INF2: variants seen among roughly 807,000 people sequenced by gnomAD.
INF2 encodes inverted formin 2, also known as inverted formin-2.
A neutral mutation model predicts 123.5 loss-of-function variants in INF2; 43 were observed. That is an observed-to-expected ratio of 0.35 (90% CI 0.27 to 0.45). The LOEUF (loss-of-function observed/expected upper bound fraction) is 0.45. INF2 is among the 20% of genes least tolerant of loss of function. The pLI, the probability that INF2 is intolerant of heterozygous loss-of-function variation, is 1.00. For synonymous variants in INF2, 851 were observed against 745.0 expected, an observed-to-expected ratio of 1.14 and a Z score of -2.32; for missense variants, 1,453 against 1,682.7, an observed-to-expected ratio of 0.86 and a Z score of 2.39.
In INF2 at chr14:104,703,088, C is replaced by T. The variant is rs117462673; in HGVS notation, c.392-17C>T. On this transcript the variant is annotated splice_polypyrimidine_tract_variant and intron_variant, in intron 2 of 22. Transcript: ENST00000392634. ...GGTGCATTGGCCCTGCTGAGCCTGCCCACTCCACCCTGGCAGCCCTGGACA... is the reference window on the plus strand; with the variant it reads ...GGTGCATTGGCCCTGCTGAGCCTGCTCACTCCACCCTGGCAGCCCTGGACA... 6.2e-7 allele frequency: 1 copy of T among 1,601,984 alleles called. No homozygotes were observed. The highest frequency in any genetic ancestry group is 8.5e-7 in the Non-Finnish European group (1 of 1,170,146).
chr14:104,710,023 AGT>A, intron 12 of INF2, 63 bp from the exon 13 acceptor site: 3 of 1,334,442 alleles, frequency 2.2e-6, no homozygotes, highest in Non-Finnish European at 3.1e-6. Flanking sequence ...CCCTGTGCTG[AGT>A]GCCCCTCTGG....
At chr14:104,682,623 T>C (rs540509493) in intron 1 of INF2, among the ~76,000 whole-genome samples, 8 of 152,256 alleles carry the variant, frequency 5.3e-5, no homozygotes, top group Admixed American at 4.6e-4. Flanking sequence ...AATCCAGCCA[T>C]AACCTGGCTG....
At chr14:104,704,181 G>C in intron 5 of INF2, 1 of 1,437,170 alleles carries the variant, frequency 7.0e-7, no homozygotes, top group Non-Finnish European at 9.1e-7. Flanking sequence ...GCCATAGAAA[G>C]GACAGAATGA....
rs145596224 is a variant in INF2 at position 104,706,209 on chromosome 14, C to T, written c.843+33C>T. The stretch of plus-strand genomic sequence containing the variant: ...GGGGGCTGCAGGGCGGAGGGCAGCC[C>T]TCCAGGGCAGGCTGTGGCCCTGAGG... On this transcript the variant is annotated intron_variant, in intron 6 of 22. Transcript: ENST00000392634. 23,086 of 1,537,132 alleles carry T rather than the reference C, an allele frequency of 0.015. 276 individuals are homozygous for T. Among genetic ancestry groups the T allele is most frequent in the South Asian group, 0.039 (3,227 of 83,218 alleles).
In INF2 at chr14:104,707,767, G is replaced by GCCCCCCCCC; in HGVS notation, c.1505_1506insCCCCCCCCC (p.Pro503_Pro505dup). ...CACCACTCCCGGGCTTGGGATGCCC[G>GCCCCCCCCC]CCCCCACCCCCACCCCTGCTGCCTG... On this transcript the variant is annotated inframe_insertion, in exon 8 of 23. Transcript: ENST00000392634. 1 of 615,042 alleles carries GCCCCCCCCC rather than the reference G, an allele frequency of 1.6e-6. No homozygotes were observed. Among genetic ancestry groups the GCCCCCCCCC allele is most frequent in the South Asian group, 1.9e-5 (1 of 51,942 alleles). 38.1% of individuals were successfully genotyped at this position (615,042 alleles called of 1,614,324 possible).
chr14:104,700,991 TCCCGCTCCCCCGAGTCCTCCCCAAGCTCA>T, intron 1 of INF2: 1 of 461,212 alleles, frequency 2.2e-6, no homozygotes, highest in South Asian at 9.1e-5. Context: ...CAGGGGAGCC[TCCCGCTCCCCCGAGTCCTCCCCAAGCTCA>T]TCCGGTCCCG....
In INF2 at chr14:104,703,463, C is replaced by G; in HGVS notation, c.667+9C>G. On this transcript the variant is annotated intron_variant, in intron 4 of 22. Coordinates refer to ENST00000392634, the MANE Select transcript of INF2 (RefSeq NM_022489.4). ...GCGGAACGAGTTTATCGGTAAGCAC[C>G]TGCCCTGGGCCGCATGCCCGCTCCT... is the stretch of plus-strand genomic sequence containing the variant. 1 of 1,610,814 alleles carries G rather than the reference C, an allele frequency of 6.2e-7. No individual in the cohort carries two copies. The highest frequency in any genetic ancestry group is 8.5e-7 in the Non-Finnish European group (1 of 1,179,916).
upstream of INF2, among the ~76,000 whole-genome samples, chr14:104,687,745 C>T (rs1300162037): frequency 6.6e-6 from 1 of 152,116 alleles, no homozygotes; most frequent in Non-Finnish European, 1.5e-5. This position sits in a 1 kb window ranked among gnomAD's most constrained non-coding sequence, Gnocchi z 5.6. Flanking sequence ...AAAGGTGGAC[C>T]CCTCGCCCAC....
chr14:104,721,411 G>A lies in INF2; in HGVS notation c.*2618G>A, dbSNP rs142831393. 275 of 161,586 alleles carry A rather than the reference G, an allele frequency of 1.7e-3. 2 individuals carry two copies. The highest frequency in any genetic ancestry group is 9.3e-3 in the Middle Eastern group (3 of 324). The allele number at this position is 161,586 out of a possible 1,614,324, so 10.0% of individuals were successfully genotyped here. A position where few individuals can be genotyped will look rare whatever the true frequency, so the allele number is the denominator to read the frequency against. On this transcript the variant is annotated 3_prime_UTR_variant, in exon 23 of 23. Transcript: ENST00000392634. Reference sequence around the variant, plus strand: ...CTGTGGACGTCTGCGTCGTCCTCGTGTGGATGCTGCTGTGGACGTCTGTGT... The same window carrying A: ...CTGTGGACGTCTGCGTCGTCCTCGTATGGATGCTGCTGTGGACGTCTGTGT...
Position 104,718,686 on chromosome 14 carries a change from T to A in INF2, c.*2-109T>A, listed in dbSNP as rs1265474174. 3.2e-6 allele frequency: 5 copies of A among 1,548,636 alleles called. No homozygotes were observed. In the East Asian group the frequency reaches 1.2e-4, roughly 37 times the overall value. ...ACCTGCGATGCATGGCACAACCTGCTGGACAGTGGCGATGAGGGGTTCAGG... is the reference window on the plus strand; with the variant it reads ...ACCTGCGATGCATGGCACAACCTGCAGGACAGTGGCGATGAGGGGTTCAGG... On this transcript the variant is annotated intron_variant, in intron 22 of 22. Transcript: ENST00000392634.
At chr14:104,709,818 G>T (rs1279868555) in intron 12 of INF2, 113 bp downstream of exon 12, 3 of 940,188 alleles carry the variant, frequency 3.2e-6, no homozygotes, top group African/African-American at 1.6e-5. Flanking sequence ...TGGCTGCCCC[G>T]GGCTCCAGGA....
Position 104,712,533 on chromosome 14 carries a change from C to G in INF2, c.2590C>G (p.Gln864Glu). ...VSASVAEVQE[Q>E]YTERLQASIS... Reference sequence around the variant, plus strand: ...TGCCTCCGTGGCCGAGGTCCAGGAGCAGTACACCGAGCGCCTCCAGGCAAG... The same window carrying G: ...TGCCTCCGTGGCCGAGGTCCAGGAGGAGTACACCGAGCGCCTCCAGGCAAG... The change falls in exon 17 of 23, where the codon CAG (glutamine) becomes GAG (glutamate). Residue 864 changes from glutamine (Q) to glutamate (E), a missense_variant. Around this residue, in one of 8 missense-constraint regions of INF2, gnomAD observed 212 missense variants for 266.2 expected, o/e 0.80. Transcript: ENST00000392634. The G allele has an allele frequency of 6.2e-7, 1 of 1,612,664 alleles. No homozygotes were observed. Among genetic ancestry groups the G allele is most frequent in the Non-Finnish European group, 8.5e-7 (1 of 1,179,820 alleles).
intron 16 of INF2, among the ~76,000 whole-genome samples, chr14:104,711,941 G>A (rs1566784433): frequency 1.3e-5 from 2 of 152,220 alleles, no homozygotes; most frequent in Admixed American, 6.5e-5. Context: ...CCAGGTCAGG[G>A]TCACACCACG....
rs1889804772 is a variant in INF2 at position 104,706,892 on chromosome 14, C to T, written c.844-18C>T. 6.2e-7 allele frequency: 1 copy of T among 1,602,454 alleles called. No individual in the cohort carries two copies. The highest frequency in any genetic ancestry group is 8.5e-7 in the Non-Finnish European group (1 of 1,178,668). Reference sequence around the variant, plus strand: ...GAGGGGCCGGCTGCTGACCTGCACCCCACACTCGCCCGTCCAGGTGAGCTG... The same window carrying T: ...GAGGGGCCGGCTGCTGACCTGCACCTCACACTCGCCCGTCCAGGTGAGCTG... On this transcript the variant is annotated intron_variant, in intron 6 of 22. Transcript: ENST00000392634.
At chr14:104,700,080 G>A (rs1409498859) in intron 1 of INF2, among the ~76,000 whole-genome samples, 4 of 152,172 alleles carry the variant, frequency 2.6e-5, no homozygotes, top group Non-Finnish European at 5.9e-5. Context: ...GGGAGGAATA[G>A]AGCCTCCTGG....
chr14:104,710,868 C>A, intron 13 of INF2, 69 bp from the exon 14 acceptor site: 1 of 1,402,012 alleles, frequency 7.1e-7, no homozygotes, highest in South Asian at 1.2e-5. Context: ...AGCAGGACCA[C>A]ACCCCACCGC....
intron 5 of INF2, 114 bp from the exon 6 acceptor site, chr14:104,705,921 C>T (rs1889758578): frequency 3.7e-6 from 5 of 1,348,930 alleles, no homozygotes; most frequent in African/African-American, 1.4e-5. Context: ...TGGCCTGGCT[C>T]AGAGTCCCAG....
chr14:104,706,462 C>T (rs1161747931), intron 6 of INF2, among the ~76,000 whole-genome samples: 2 of 152,218 alleles, frequency 1.3e-5, no homozygotes, highest in Non-Finnish European at 2.9e-5. Context: ...GTGCGGCCCA[C>T]AGCCGGCCTT....
intron 13 of INF2, chr14:104,710,587 C>G (rs1480833068): frequency 4.0e-6 from 2 of 504,994 alleles, no homozygotes; most frequent in African/African-American, 3.8e-5. Flanking sequence ...TACACACCCC[C>G]CCAACACACA....
Sources: gnomAD v4.1 joint callset for allele counts (sites outside exome capture counted in the v4.1 genomes callset) on GRCh38, gnomAD v4.1.1 for gene constraint, gnomAD v4.1.1 regional missense constraint, Gnocchi (gnomAD v3.1) non-coding constraint, MANE v1.5 for transcripts, NCBI Gene and HGNC (gene_info 2026-07-23, HGNC 2026-07-21) for gene names.